Variants in LY86 observed in about 807,000 individuals in gnomAD.
LY86 encodes lymphocyte antigen 86.
In LY86, 20 loss-of-function variants were observed where a neutral mutation model predicts 17.3. That is an observed-to-expected ratio of 1.15 (90% CI 0.81 to 1.68). The LOEUF (loss-of-function observed/expected upper bound fraction) is 1.68, where lower values mean the gene tolerates loss of function less well. LY86 is among the 40% of genes most tolerant of loss of function. The pLI, the probability that LY86 is intolerant of heterozygous loss-of-function variation, is 0.00. For synonymous variants in LY86, 74 were observed against 70.6 expected (o/e 1.05, Z -0.24); for missense variants, 200 against 191.9 (o/e 1.04, Z -0.25).
intron 1 of LY86, among the ~76,000 whole-genome samples, chr6:6,614,228 A>C (rs1178478413): frequency 6.6e-6 from 1 of 152,138 alleles, no homozygotes; most frequent in Non-Finnish European, 1.5e-5. Flanking sequence ...GAAGAACCAC[A>C]CCCAAAATTG....
chr6:6,616,860 C>CAGGTCTGGGTG (rs1761567005), intron 1 of LY86, among the ~76,000 whole-genome samples: 1 of 152,178 alleles, frequency 6.6e-6, no homozygotes, highest in African/African-American at 2.4e-5. Context: ...GTTTCTGTCC[C>CAGGTCTGGGTG]CTGTCAAGAG....
chr6:6,646,974 T>C (rs974538328), intron 3 of LY86, among the ~76,000 whole-genome samples: 2 of 141,546 alleles, frequency 1.4e-5, no homozygotes, highest in African/African-American at 5.3e-5. Flanking sequence ...TCAAGTAGAT[T>C]TCTTCCCCAC....
chr6:6,612,518 A>G (rs1208982215), intron 1 of LY86, among the ~76,000 whole-genome samples: 1 of 151,868 alleles, frequency 6.6e-6, no homozygotes, highest in East Asian at 1.9e-4. Context: ...GCAAAAAGCA[A>G]AAGAACAAAC....
intron 1 of LY86, among the ~76,000 whole-genome samples, chr6:6,590,741 T>C (rs1760498043): frequency 6.6e-6 from 1 of 152,130 alleles, no homozygotes; most frequent in African/African-American, 2.4e-5. Flanking sequence ...AAAAGAGAAG[T>C]TGATTAAGCA....
chr6:6,591,762 ACT>A (rs1049334918), intron 1 of LY86, among the ~76,000 whole-genome samples: 2 of 152,186 alleles, frequency 1.3e-5, no homozygotes, highest in African/African-American at 4.8e-5. Flanking sequence ...AGCCTGCCTG[ACT>A]CCAGAACCCA....
intron 1 of LY86, among the ~76,000 whole-genome samples, chr6:6,605,059 C>T (rs1275715533): frequency 6.6e-6 from 1 of 151,234 alleles, no homozygotes; most frequent in African/African-American, 2.4e-5. Context: ...TGTTTGCCAC[C>T]GAGACTCTCA....
intron 1 of LY86, among the ~76,000 whole-genome samples, chr6:6,602,010 C>T (rs148298525): frequency 3.9e-5 from 6 of 152,328 alleles, no homozygotes; most frequent in African/African-American, 1.2e-4. Context: ...CCATTTGCAG[C>T]GTCTGCTATG....
chr6:6,644,730 TAAA>T (rs1481869931), intron 3 of LY86, among the ~76,000 whole-genome samples: 3 of 152,078 alleles, frequency 2.0e-5, no homozygotes, highest in Non-Finnish European at 2.9e-5. Context: ...CACTGCACAT[TAAA>T]AACTGATAAA....
intron 3 of LY86, among the ~76,000 whole-genome samples, chr6:6,626,827 A>G (rs544461608): frequency 9.8e-6 from 1 of 101,530 alleles, no homozygotes; most frequent in South Asian, 3.1e-4. Context: ...TTCAAAAACG[A>G]AAAAAAAAAA....
chr6:6,642,813 G>C (rs1016160738), intron 3 of LY86, among the ~76,000 whole-genome samples: 6 of 152,182 alleles, frequency 3.9e-5, no homozygotes, highest in African/African-American at 1.4e-4. Flanking sequence ...GGTAAGGAGA[G>C]GAATAAAGAC....
chr6:6,630,366 T>TACTCAGGC (rs1030194188), intron 3 of LY86, among the ~76,000 whole-genome samples: 7 of 152,374 alleles, frequency 4.6e-5, no homozygotes, highest in Non-Finnish European at 1.0e-4. Context: ...CAGCCCCATT[T>TACTCAGGC]ACTCAGGCTG....
chr6:6,649,620 T>A lies in LY86; in HGVS notation c.353-5T>A. On this transcript the variant is annotated splice_region_variant and splice_polypyrimidine_tract_variant and intron_variant, in intron 3 of 4. Coordinates refer to ENST00000230568, the MANE Select transcript of LY86 (RefSeq NM_004271.4). The stretch of plus-strand genomic sequence containing the variant: ...ACATCATCTATGCTTTATATATTTT[T>A]TCAGAGCAGATTTACTATGCTGGGC... 6.5e-7 allele frequency: 1 copy of A among 1,542,632 alleles called. No homozygotes were observed. Among genetic ancestry groups the A allele is most frequent in the Non-Finnish European group, 8.9e-7 (1 of 1,124,992 alleles).
intron 1 of LY86, among the ~76,000 whole-genome samples, chr6:6,604,874 C>T (rs1225086435): frequency 6.7e-6 from 1 of 149,456 alleles, no homozygotes; most frequent in East Asian, 1.9e-4. Context: ...AGAGAAATTA[C>T]CTAAAAGAAG....
chr6:6,601,262 G>A (rs1046340161), intron 1 of LY86, among the ~76,000 whole-genome samples: 1 of 152,300 alleles, frequency 6.6e-6, no homozygotes, highest in East Asian at 1.9e-4. Flanking sequence ...AGGAGAACAG[G>A]CAACGGAGAG....
At chr6:6,640,029 G>A (rs1762015953) in intron 3 of LY86, among the ~76,000 whole-genome samples, 1 of 152,192 alleles carries the variant, frequency 6.6e-6, no homozygotes, top group Non-Finnish European at 1.5e-5. Flanking sequence ...GAGTCTTTCT[G>A]TTAGGAGATT....
chr6:6,595,359 AGGG>A (rs1561774377), intron 1 of LY86, among the ~76,000 whole-genome samples: 1 of 69,114 alleles, frequency 1.4e-5, no homozygotes, highest in African/African-American at 3.5e-5. Context: ...GGAGAGGAGA[AGGG>A]GAGAAGAAAG....
At chr6:6,591,885 T>C (rs1022463175) in intron 1 of LY86, among the ~76,000 whole-genome samples, 9 of 151,838 alleles carry the variant, frequency 5.9e-5, no homozygotes, top group Admixed American at 6.6e-5. Context: ...GGCAGGAAAA[T>C]GGGACCAGGC....
chr6:6,618,237 G>C (rs1381286316), intron 1 of LY86, among the ~76,000 whole-genome samples: 1 of 152,192 alleles, frequency 6.6e-6, no homozygotes, highest in Non-Finnish European at 1.5e-5. Context: ...GATATTTTGG[G>C]CAGAAGAGTG....
At chr6:6,634,119 G>C (rs909481277) in intron 3 of LY86, among the ~76,000 whole-genome samples, 1 of 152,192 alleles carries the variant, frequency 6.6e-6, no homozygotes, top group African/African-American at 2.4e-5. Context: ...ATCCATGCCT[G>C]CACAAGCCAC....
Sources: allele counts gnomAD v4.1 joint callset (sites outside exome capture counted in the v4.1 genomes callset), GRCh38; gene constraint gnomAD v4.1.1; transcripts MANE v1.5; gene names NCBI Gene and HGNC (gene_info 2026-07-23, HGNC 2026-07-21).